INSYN2B: variants seen among roughly 807,000 people sequenced by gnomAD.
INSYN2B encodes inhibitory synaptic factor family member 2B.
INSYN2B carries 16 observed loss-of-function variants against 41.2 expected under a neutral mutation model. The ratio of observed to expected loss-of-function variants is 0.39; its 90% confidence interval spans 0.26 to 0.59. The LOEUF (loss-of-function observed/expected upper bound fraction) is 0.59. INSYN2B is among the 20% of genes least tolerant of loss of function. The probability of loss-of-function intolerance (pLI) is 0.57; values close to 1 mark genes in which losing one functional copy is unlikely to be tolerated. For synonymous variants in INSYN2B, 245 were observed against 244.4 expected (o/e 1.00, Z -0.02); for missense variants, 608 against 646.4 (o/e 0.94, Z 0.64).
intron 3 of INSYN2B, among the ~76,000 whole-genome samples, chr5:169,879,817 A>G (rs1772534659): frequency 6.6e-6 from 1 of 152,234 alleles, no homozygotes; most frequent in African/African-American, 2.4e-5. Flanking sequence ...AGGCGAGGTC[A>G]TGAAACTCAT....
rs181836127 is a variant in INSYN2B at position 169,927,611 on chromosome 5, A to G, written c.-918-42795T>C. ...GTCCTGTGTGATCAGGAGGTAAAACATATAGGAAAAATTCTTGTTTTTTGA... is the reference window on the plus strand; with the variant it reads ...GTCCTGTGTGATCAGGAGGTAAAACGTATAGGAAAAATTCTTGTTTTTTGA... On this transcript the variant is annotated intron_variant, in intron 1 of 3. Coordinates refer to ENST00000377365, the MANE Select transcript of INSYN2B (RefSeq NM_001129891.3). Among the ~76,000 whole-genome samples the G allele has an allele frequency of 1.8e-3, 270 of 152,340 alleles. 2 individuals carry two copies. The highest frequency in any genetic ancestry group is 3.5e-3 in the East Asian group (18 of 5,174).
In INSYN2B at chr5:169,929,571, TAAC is replaced by T. The variant is rs571979151; in HGVS notation, c.-918-44758_-918-44756del. Among the ~76,000 whole-genome samples, 1,011 of 151,638 alleles carry T rather than the reference TAAC, an allele frequency of 6.7e-3. 3 individuals are homozygous for T. The highest frequency in any genetic ancestry group is 0.012 in the Non-Finnish European group (783 of 67,834). ...GGGCAACATGATGAAACCTTGTCTC[TAAC>T]AACAACAACAACAACAAAATTAGCT... On this transcript the variant is annotated intron_variant, in intron 1 of 3. Coordinates refer to ENST00000377365, the MANE Select transcript of INSYN2B (RefSeq NM_001129891.3).
chr5:169,931,919 G>T (rs908672925), intron 1 of INSYN2B, among the ~76,000 whole-genome samples: 5 of 152,270 alleles, frequency 3.3e-5, no homozygotes, highest in Admixed American at 2.0e-4. Context: ...AAAATATCAT[G>T]CATTCATTCA....
chr5:169,864,506 C>T, intron 3 of INSYN2B, 47 bp from the exon 4 acceptor site: 2 of 1,363,008 alleles, frequency 1.5e-6, no homozygotes, highest in African/African-American at 1.5e-5. Context: ...CGAATCAGCA[C>T]AGACTGATTA....
At position 169,862,151 on chromosome 5, in the gene INSYN2B, A is replaced by C. The variant is rs1446923883; in HGVS notation, c.*2122T>G. ...AGCTCAGCTCTGAGTCACTCAGCTC[A>C]CATAATGTGGAACGTGCTAAGAGTT... is the stretch of plus-strand genomic sequence containing the variant. On this transcript the variant is annotated 3_prime_UTR_variant, in exon 4 of 4. Coordinates refer to ENST00000377365, the MANE Select transcript of INSYN2B (RefSeq NM_001129891.3). Among the ~76,000 whole-genome samples the C allele has an allele frequency of 6.6e-6, 1 of 152,202 alleles. No homozygotes were observed. Among genetic ancestry groups the C allele is most frequent in the Non-Finnish European group, 1.5e-5 (1 of 68,040 alleles).
At chr5:169,918,789 A>G (rs1277528657) in intron 1 of INSYN2B, among the ~76,000 whole-genome samples, 3 of 152,092 alleles carry the variant, frequency 2.0e-5, no homozygotes, top group East Asian at 3.9e-4. Flanking sequence ...GGCAGGTACC[A>G]GTAATCCCAG....
At position 169,932,501 on chromosome 5, in the gene INSYN2B, T is replaced by C. The variant is rs80082434; in HGVS notation, c.-918-47685A>G. On this transcript the variant is annotated intron_variant, in intron 1 of 3. Transcript: ENST00000377365. Reference sequence around the variant, plus strand: ...AGTTGATGGAACATGCTTCTGGGTGTCCTCATGGAGCCTCAGGAACAATCT... The same window carrying C: ...AGTTGATGGAACATGCTTCTGGGTGCCCTCATGGAGCCTCAGGAACAATCT... 1.6e-4 allele frequency among the ~76,000 whole-genome samples: 25 copies of C among 152,314 alleles called. No individual in the cohort carries two copies. The East Asian group carries it at 4.6e-3, about 28-fold the overall frequency.
intron 1 of INSYN2B, among the ~76,000 whole-genome samples, chr5:169,933,583 A>G (rs1205176243): frequency 1.3e-5 from 2 of 152,160 alleles, no homozygotes; most frequent in African/African-American, 4.8e-5. Flanking sequence ...AGAAACAATG[A>G]ATCTTTAGTC....
chr5:169,917,554 T>C (rs1272849737), intron 1 of INSYN2B, among the ~76,000 whole-genome samples: 2 of 152,152 alleles, frequency 1.3e-5, no homozygotes, highest in East Asian at 3.9e-4. Flanking sequence ...AAGAGAAGTG[T>C]AGGATAAAAT....
At chr5:169,866,241 G>T (rs1341619523) in intron 3 of INSYN2B, among the ~76,000 whole-genome samples, 1 of 152,112 alleles carries the variant, frequency 6.6e-6, no homozygotes, top group African/African-American at 2.4e-5. Flanking sequence ...GTTCTCTCTG[G>T]CCCTCTCTAT....
At chr5:169,950,072 A>G (rs1199711143) in intron 1 of INSYN2B, among the ~76,000 whole-genome samples, 1 of 152,180 alleles carries the variant, frequency 6.6e-6, no homozygotes, top group South Asian at 2.1e-4. Context: ...CTTCTGAAGC[A>G]TGTTCAAGCC....
Position 169,920,040 on chromosome 5 carries a change from C to G in INSYN2B, c.-918-35224G>C, listed in dbSNP as rs371621147. On this transcript the variant is annotated intron_variant, in intron 1 of 3. Coordinates refer to ENST00000377365, the MANE Select transcript of INSYN2B (RefSeq NM_001129891.3). ...ACCCAGCACTTTACGTGAATTATGT[C>G]ATTTAATCCACAACACAACTTTGTG... Among the ~76,000 whole-genome samples, 4 of 152,156 alleles carry G rather than the reference C, an allele frequency of 2.6e-5. No homozygotes were observed. In the East Asian group the frequency reaches 7.7e-4, roughly 29 times the overall value.
chr5:169,950,984 A>C (rs867846841), intron 1 of INSYN2B, among the ~76,000 whole-genome samples: 1 of 152,226 alleles, frequency 6.6e-6, no homozygotes, highest in Non-Finnish European at 1.5e-5. Flanking sequence ...GGGCGGTTGA[A>C]TGTAAACATT....
chr5:169,942,484 G>T (rs985825337), intron 1 of INSYN2B, among the ~76,000 whole-genome samples: 1 of 152,178 alleles, frequency 6.6e-6, no homozygotes, highest in Non-Finnish European at 1.5e-5. Context: ...TTGTCTTGAG[G>T]TATTGGGAAA....
rs756719112 is a variant in INSYN2B, at chr5:169,883,072, G to T, written c.827C>A (p.Pro276His). The T allele has an allele frequency of 6.4e-7, 1 of 1,551,662 alleles. No individual in the cohort carries two copies. The highest frequency in any genetic ancestry group is 8.7e-7 in the Non-Finnish European group (1 of 1,146,974). Residue 276 changes from proline to histidine, a missense_variant, in exon 2 of 4, where the codon CCT becomes CAT. Pro to His is a moderately conservative substitution (Grantham distance 77). Coordinates refer to ENST00000377365, the MANE Select transcript of INSYN2B (RefSeq NM_001129891.3). ...SHTPGTEELKPELLLPKDNSD... is the reference protein window; with the variant it reads ...SHTPGTEELKHELLLPKDNSD... ...GTTGTCTTTGGGCAAAAGCAATTCA[G>T]GTTTAAGTTCCTCTGTGCCTGGTGT...
intron 1 of INSYN2B, among the ~76,000 whole-genome samples, chr5:169,904,063 G>A (rs969348009): frequency 7.1e-6 from 1 of 140,744 alleles, no homozygotes; most frequent in Admixed American, 7.5e-5. Context: ...ATTGACTCCA[G>A]CCTGGGCAAC....
At chr5:169,957,950 GGAGTAGGGCGTCAGGA>G (rs1292706354) in intron 1 of INSYN2B, among the ~76,000 whole-genome samples, 1 of 152,216 alleles carries the variant, frequency 6.6e-6, no homozygotes, top group African/African-American at 2.4e-5. Context: ...CCACTGCGAG[GGAGTAGGGCGTCAGGA>G]GAGGTCCTAC....
chr5:169,866,133 T>G (rs1357935865), intron 3 of INSYN2B, among the ~76,000 whole-genome samples: 1 of 152,142 alleles, frequency 6.6e-6, no homozygotes, highest in Non-Finnish European at 1.5e-5. Context: ...GATGGGGTGT[T>G]AGTTCTTAGG....
At chr5:169,871,492 G>T (rs1276532563) in intron 3 of INSYN2B, among the ~76,000 whole-genome samples, 3 of 152,166 alleles carry the variant, frequency 2.0e-5, no homozygotes, top group African/African-American at 4.8e-5. Flanking sequence ...ACAATCCCAT[G>T]GGATAAATAA....
Sources: allele counts gnomAD v4.1 joint callset (sites outside exome capture counted in the v4.1 genomes callset), GRCh38; gene constraint gnomAD v4.1.1; transcripts MANE v1.5; gene names NCBI Gene and HGNC (gene_info 2026-07-23, HGNC 2026-07-21).